The following ROBO2 variants were observed in gnomAD, a reference collection of about 807,000 sequenced individuals.
ROBO2 encodes the protein roundabout guidance receptor 2, also known as roundabout homolog 2.
Under a neutral mutation model 160.8 loss-of-function variants are expected in ROBO2, and 53 were observed. The observed-to-expected ratio is 0.33, with a 90% CI of 0.26 to 0.41. The LOEUF (loss-of-function observed/expected upper bound fraction) is 0.41. ROBO2 is among the 10% of genes least tolerant of loss of function. ROBO2 has a pLI of 1.00. For missense variants in ROBO2, 1,577 were observed against 1,722.4 expected, an observed-to-expected ratio of 0.92 and a Z score of 1.49; for synonymous variants, 664 against 611.7, an observed-to-expected ratio of 1.09 and a Z score of -1.26.
intron 2 of ROBO2, among the ~76,000 whole-genome samples, chr3:77,292,125 C>A (rs56840824): frequency 1.3e-5 from 2 of 148,412 alleles, no homozygotes; most frequent in East Asian, 4.0e-4. Flanking sequence ...GCTAGATCAC[C>A]CCAGACATAA....
At chr3:77,500,498 GT>G (rs1421711059) in intron 5 of ROBO2, among the ~76,000 whole-genome samples, 2 of 152,070 alleles carry the variant, frequency 1.3e-5, no homozygotes, top group African/African-American at 4.8e-5. Flanking sequence ...TAGATAATTG[GT>G]TAGAAATACT....
At chr3:75,998,213 C>G (rs2065786609) in intron 2 of ROBO2, among the ~76,000 whole-genome samples, 1 of 152,148 alleles carries the variant, frequency 6.6e-6, no homozygotes, top group East Asian at 1.9e-4. Flanking sequence ...TAGCTCTAAT[C>G]TCCCCTATTT....
chr3:77,163,619 T>C (rs2078686547), intron 2 of ROBO2, among the ~76,000 whole-genome samples: 1 of 152,240 alleles, frequency 6.6e-6, no homozygotes, highest in Admixed American at 6.5e-5. Flanking sequence ...GTATTTATAA[T>C]AATTTGAAAT....
intron 2 of ROBO2, among the ~76,000 whole-genome samples, chr3:76,618,689 G>C (rs1280910966): frequency 1.3e-5 from 2 of 151,480 alleles, no homozygotes; most frequent in Non-Finnish European, 1.5e-5. Context: ...TTGTGTATTA[G>C]TTCCTGGCAC....
chr3:76,866,237 AAAG>A (rs2148649631), intron 2 of ROBO2, among the ~76,000 whole-genome samples: 1 of 152,288 alleles, frequency 6.6e-6, no homozygotes, highest in East Asian at 1.9e-4. Flanking sequence ...GAAAAAAAGA[AAAG>A]AAAAAGATGC....
intron 2 of ROBO2, among the ~76,000 whole-genome samples, chr3:77,000,802 T>G (rs2061297859): frequency 6.6e-6 from 1 of 152,186 alleles, no homozygotes; most frequent in Non-Finnish European, 1.5e-5. Context: ...GTAAAAGAAA[T>G]AAATAAAAAA....
intron 2 of ROBO2, among the ~76,000 whole-genome samples, chr3:77,245,385 A>G (rs1012512657): frequency 6.6e-6 from 1 of 152,178 alleles, no homozygotes; most frequent in Non-Finnish European, 1.5e-5. Flanking sequence ...GACATTTGTT[A>G]GGTAGATTTG....
At chr3:77,611,264 C>T (rs542149244) in intron 21 of ROBO2, among the ~76,000 whole-genome samples, 21 of 149,860 alleles carry the variant, frequency 1.4e-4, no homozygotes, top group African/African-American at 4.4e-4. Context: ...GGCCACTGCA[C>T]TCCAGCCTGG....
rs138634552 is a variant in ROBO2 at position 76,998,305 on chromosome 3, T to C, written c.110-99709T>C. Among the ~76,000 whole-genome samples the C allele has an allele frequency of 1.1e-4, 16 of 151,922 alleles. No homozygotes were observed. In the East Asian group the frequency reaches 2.7e-3, roughly 26 times the overall value. On this transcript the variant is annotated intron_variant, in intron 2 of 26. Transcript: ENST00000487694. ...CAGATACTGAAGATGAGAAGAACAT[T>C]GAAAAGAAAATAAAAGCTAGATTGT...
intron 2 of ROBO2, among the ~76,000 whole-genome samples, chr3:76,034,628 A>T (rs1163001362): frequency 6.6e-6 from 1 of 152,186 alleles, no homozygotes; most frequent in Non-Finnish European, 1.5e-5. Context: ...AAATTATACA[A>T]TTCTACTTCC....
chr3:77,047,775 G>A (rs2064829015), intron 1 of ROBO2, among the ~76,000 whole-genome samples: 1 of 150,860 alleles, frequency 6.6e-6, no homozygotes, highest in African/African-American at 2.4e-5. Context: ...TGGGCGCGGT[G>A]GCTCACGCCT....
chr3:76,986,899 A>G (rs1000959886), intron 2 of ROBO2, among the ~76,000 whole-genome samples: 1 of 152,196 alleles, frequency 6.6e-6, no homozygotes, highest in Admixed American at 6.5e-5. Context: ...ACAAGATACA[A>G]CAAACAGCTA....
intron 2 of ROBO2, among the ~76,000 whole-genome samples, chr3:76,474,787 GC>G (rs1023790557): frequency 6.6e-6 from 1 of 152,150 alleles, no homozygotes; most frequent in African/African-American, 2.4e-5. Context: ...ACAGGTATCA[GC>G]TGGGCTCACT....
rs1306095390 is a variant in ROBO2 at position 77,200,315 on chromosome 3, A to T, written c.388+101975A>T. Among the ~76,000 whole-genome samples the T allele has an allele frequency of 7.2e-4, 63 of 87,556 alleles. 1 individual carries two copies. In the East Asian group the frequency reaches 0.024, roughly 33 times the overall value. 57.4% of individuals were successfully genotyped at this position (87,556 alleles called of 152,430 possible). On this transcript the variant is annotated intron_variant, in intron 2 of 25. Transcript: ENST00000461745. ...TATATATATATATATATATATATAT[A>T]TATATATTTTAGTTTCTATAGGTAA...
intron 10 of ROBO2, among the ~76,000 whole-genome samples, 175 bp downstream of exon 11, chr3:77,562,907 G>T (rs1160814456): frequency 6.6e-6 from 1 of 152,070 alleles, no homozygotes; most frequent in African/African-American, 2.4e-5. Context: ...TACATTTGTG[G>T]AATTTAATAC....
intron 2 of ROBO2, among the ~76,000 whole-genome samples, chr3:76,707,731 G>GTGTGTATATATATATATATA (rs376823667): frequency 1.9e-4 from 26 of 134,204 alleles, no homozygotes; most frequent in Admixed American, 3.9e-4. Flanking sequence ...ACATGTGTGT[G>GTGTGTATATATATATATATA]TATATATATA....
chr3:76,057,651 G>A (rs1464247175), intron 2 of ROBO2, among the ~76,000 whole-genome samples: 1 of 152,016 alleles, frequency 6.6e-6, no homozygotes, highest in Non-Finnish European at 1.5e-5. Flanking sequence ...TTATAGAGCT[G>A]GAACCGTATT....
chr3:76,852,155 C>A (rs2069470498), intron 2 of ROBO2, among the ~76,000 whole-genome samples: 1 of 152,090 alleles, frequency 6.6e-6, no homozygotes, highest in Non-Finnish European at 1.5e-5. Context: ...CATTGGGAAA[C>A]TTTTTTTACA....
intron 2 of ROBO2, among the ~76,000 whole-genome samples, chr3:76,048,217 A>G (rs1423398662): frequency 6.6e-6 from 1 of 152,196 alleles, no homozygotes; most frequent in African/African-American, 2.4e-5. Flanking sequence ...TTGCATTCAC[A>G]TCTCTTAACC....
Sources: allele counts gnomAD v4.1 joint callset (sites outside exome capture counted in the v4.1 genomes callset), GRCh38; gene constraint gnomAD v4.1.1; transcripts MANE v1.5; gene names NCBI Gene and HGNC (gene_info 2026-07-23, HGNC 2026-07-21).